The following HS2ST1 variants were observed in gnomAD, a reference collection of about 807,000 sequenced individuals.
HS2ST1 encodes the protein 2-O-sulfotransferase.
In HS2ST1, 18 loss-of-function variants were observed where a neutral mutation model predicts 42.9. The observed-to-expected ratio is 0.42, with a 90% CI of 0.29 to 0.62. The LOEUF is 0.62. HS2ST1 is among the 20% of genes least tolerant of loss of function. HS2ST1 has a pLI of 0.21. For synonymous variants in HS2ST1, 146 were observed against 152.9 expected (o/e 0.95, Z 0.33); for missense variants, 334 against 433.8 (o/e 0.77, Z 2.04).
chr1:87,097,051 G>A (rs1652084770), intron 4 of HS2ST1, among the ~76,000 whole-genome samples: 1 of 152,120 alleles, frequency 6.6e-6, no homozygotes, highest in Admixed American at 6.5e-5. Context: ...TATTTCCTCT[G>A]TCTTCACCTC....
intron 6 of HS2ST1, 129 bp downstream of exon 6, chr1:87,103,718 G>T (rs568753592): frequency 1.5e-5 from 11 of 715,692 alleles, no homozygotes; most frequent in Non-Finnish European, 2.2e-5. Flanking sequence ...CAGGTATCTT[G>T]TCGGTTTCTG....
At chr1:87,000,733 A>G (rs1649256688) in intron 1 of HS2ST1, among the ~76,000 whole-genome samples, 1 of 152,216 alleles carries the variant, frequency 6.6e-6, no homozygotes, top group Non-Finnish European at 1.5e-5. Context: ...AGGGCATGAC[A>G]GTCATTTACC....
intron 1 of HS2ST1, among the ~76,000 whole-genome samples, chr1:86,928,010 A>C (rs1435736731): frequency 2.6e-5 from 4 of 152,074 alleles, no homozygotes; most frequent in Non-Finnish European, 5.9e-5. Flanking sequence ...ATAATGCTTT[A>C]TTACAGTATG....
chr1:87,045,966 T>G, intron 1 of HS2ST1: 1 of 718,788 alleles, frequency 1.4e-6, no homozygotes, highest in Non-Finnish European at 2.6e-6. Context: ...ACCTCAACAG[T>G]TTTTGTTTCA....
chr1:87,082,403 T>C (rs539070179), intron 2 of HS2ST1, among the ~76,000 whole-genome samples: 39 of 152,222 alleles, frequency 2.6e-4, no homozygotes, highest in Non-Finnish European at 4.7e-4. Flanking sequence ...TGCTGTTTAG[T>C]TTATATAACA....
intron 1 of HS2ST1, among the ~76,000 whole-genome samples, chr1:86,975,494 A>G (rs990422734): frequency 6.6e-6 from 1 of 152,160 alleles, no homozygotes; most frequent in Non-Finnish European, 1.5e-5. Flanking sequence ...GTAGCTACTA[A>G]TATATGTAAA....
In HS2ST1 at chr1:86,916,036, G is replaced by A. The variant is rs1432787093; in HGVS notation, c.124+876G>A. ...GGTTAACAGGTGCTTTAATGGATGA[G>A]GGGGTCTAAAGTACAAAAAGTTGGT... On this transcript the variant is annotated intron_variant, in intron 1 of 6. Coordinates refer to ENST00000370550, the MANE Select transcript of HS2ST1 (RefSeq NM_012262.4). Among the ~76,000 whole-genome samples, 4 of 152,194 alleles carry A rather than the reference G, an allele frequency of 2.6e-5. No homozygotes were observed. The South Asian group carries it at 6.2e-4, about 24-fold the overall frequency.
chr1:86,969,814 A>C (rs1648176868), intron 1 of HS2ST1, among the ~76,000 whole-genome samples: 1 of 152,090 alleles, frequency 6.6e-6, no homozygotes, highest in African/African-American at 2.4e-5. Context: ...TGAGTTATAT[A>C]AAATATTTTA....
intron 1 of HS2ST1, chr1:87,046,208 T>A (rs1332981587): frequency 3.1e-5 from 27 of 878,714 alleles, no homozygotes; most frequent in East Asian, 5.9e-5. Flanking sequence ...AAAGTGGAAC[T>A]GCTGGGTATC....
intron 1 of HS2ST1, chr1:86,993,228 T>C: frequency 7.2e-7 from 1 of 1,383,244 alleles, no homozygotes; most frequent in Non-Finnish European, 9.8e-7. Context: ...TTGTAATGTA[T>C]GCAACCATAC....
intron 1 of HS2ST1, among the ~76,000 whole-genome samples, chr1:86,959,839 C>G (rs921503699): frequency 2.0e-5 from 3 of 152,150 alleles, no homozygotes; most frequent in Admixed American, 2.0e-4. Context: ...CTTAGGCAGA[C>G]TCAATATTGT....
intron 4 of HS2ST1, among the ~76,000 whole-genome samples, chr1:87,095,725 CTTTTG>C (rs147237837): frequency 6.6e-6 from 1 of 151,978 alleles, no homozygotes; most frequent in Non-Finnish European, 1.5e-5. Context: ...GCCCAAAGAG[CTTTTG>C]TTTTGTTTTG....
At chr1:87,047,835 TGTCTG>T (rs1650725183) in intron 1 of HS2ST1, among the ~76,000 whole-genome samples, 1 of 152,222 alleles carries the variant, frequency 6.6e-6, no homozygotes, top group Non-Finnish European at 1.5e-5. Flanking sequence ...AGTACTATAC[TGTCTG>T]GATTACTGTA....
chr1:86,950,826 G>A (rs1647492387), intron 1 of HS2ST1, among the ~76,000 whole-genome samples: 1 of 152,130 alleles, frequency 6.6e-6, no homozygotes, highest in Non-Finnish European at 1.5e-5. Context: ...TAGGTTTGAA[G>A]TTTTCAGCAT....
intron 1 of HS2ST1, among the ~76,000 whole-genome samples, chr1:86,994,700 A>C (rs138440114): frequency 6.6e-5 from 10 of 152,314 alleles, no homozygotes; most frequent in African/African-American, 2.4e-4. Context: ...TGGGACAAGT[A>C]AAAATGTTTT....
chr1:87,020,324 A>G (rs1397522414), intron 1 of HS2ST1, among the ~76,000 whole-genome samples: 2 of 152,116 alleles, frequency 1.3e-5, no homozygotes, highest in African/African-American at 4.8e-5. Context: ...ATTTGCCTCT[A>G]TTACACTGAT....
intron 1 of HS2ST1, among the ~76,000 whole-genome samples, chr1:87,025,628 A>G (rs1650064164): frequency 6.6e-6 from 1 of 152,184 alleles, no homozygotes; most frequent in African/African-American, 2.4e-5. Flanking sequence ...TTTTGTCTAG[A>G]AGGAATTTGC....
At chr1:86,960,697 A>G (rs1371718353) in intron 1 of HS2ST1, among the ~76,000 whole-genome samples, 1 of 152,228 alleles carries the variant, frequency 6.6e-6, no homozygotes, top group African/African-American at 2.4e-5. Context: ...ATCATTAGAG[A>G]ACATGCAAAT....
At chr1:86,940,846 T>G (rs1003107037) in intron 1 of HS2ST1, among the ~76,000 whole-genome samples, 1 of 151,940 alleles carries the variant, frequency 6.6e-6, no homozygotes, top group Non-Finnish European at 1.5e-5. Context: ...ATACAAAAAT[T>G]TACCATGTGT....
Sources: gnomAD v4.1 joint callset for allele counts (sites outside exome capture counted in the v4.1 genomes callset) on GRCh38, gnomAD v4.1.1 for gene constraint, MANE v1.5 for transcripts, NCBI Gene and HGNC (gene_info 2026-07-23, HGNC 2026-07-21) for gene names.